GRID1: variants seen among roughly 807,000 people sequenced by gnomAD.
GRID1 encodes glutamate ionotropic receptor delta type subunit 1.
In GRID1, 28 loss-of-function variants were observed where a neutral mutation model predicts 98.0. That is an observed-to-expected ratio of 0.29 (90% CI 0.21 to 0.39). GRID1 has a LOEUF of 0.39. Ranked by LOEUF, GRID1 falls within the 10% of genes least tolerant of loss-of-function variation. The pLI is 1.00. For missense variants in GRID1, 1,111 were observed against 1,340.5 expected (o/e 0.83, Z 2.67); for synonymous variants, 553 against 538.5 (o/e 1.03, Z -0.37).
At chr10:86,113,562 C>G (rs1305047272) in intron 4 of GRID1, among the ~76,000 whole-genome samples, 1 of 152,210 alleles carries the variant, frequency 6.6e-6, no homozygotes, top group Non-Finnish European at 1.5e-5. Context: ...CTCTTCACCA[C>G]ATGATATTAT....
intron 2 of GRID1, among the ~76,000 whole-genome samples, chr10:86,243,852 T>C (rs2814342): frequency 0.89 from 136,113 of 152,234 alleles, 61,406 homozygotes; most frequent in African/African-American, 0.92. Context: ...CGAGCAGGGG[T>C]CAAGCCGATC....
intron 4 of GRID1, among the ~76,000 whole-genome samples, chr10:86,013,784 A>G (rs961783576): frequency 6.6e-6 from 1 of 152,248 alleles, no homozygotes; most frequent in South Asian, 2.1e-4. Context: ...CATAGAGGGC[A>G]TAAGTTAGCA....
chr10:86,286,517 C>T (rs1480505444), intron 2 of GRID1, among the ~76,000 whole-genome samples: 1 of 152,202 alleles, frequency 6.6e-6, no homozygotes, highest in Non-Finnish European at 1.5e-5. Context: ...CGAGTGAGGC[C>T]ACGAGAAGCC....
chr10:85,669,954 A>G (rs913729466), intron 12 of GRID1, among the ~76,000 whole-genome samples: 1 of 152,192 alleles, frequency 6.6e-6, no homozygotes, highest in African/African-American at 2.4e-5. Flanking sequence ...TACAGTGAGG[A>G]ACACTGACAC....
chr10:85,928,566 C>T (rs1180143896), intron 4 of GRID1, among the ~76,000 whole-genome samples: 3 of 152,220 alleles, frequency 2.0e-5, no homozygotes, highest in African/African-American at 7.2e-5. Context: ...AGGAAGCTCC[C>T]TTTCCCCCTT....
intron 2 of GRID1, among the ~76,000 whole-genome samples, chr10:86,254,801 G>A (rs967629978): frequency 4.6e-5 from 7 of 152,254 alleles, no homozygotes; most frequent in African/African-American, 1.4e-4. Context: ...ATGCCTAGGA[G>A]ACAAGAGTTC....
chr10:85,864,069 A>G (rs969938547), intron 6 of GRID1, among the ~76,000 whole-genome samples: 6 of 152,210 alleles, frequency 3.9e-5, no homozygotes, highest in Non-Finnish European at 8.8e-5. Context: ...TCATTAATCA[A>G]GCAAAGTGGA....
chr10:86,254,580 AG>A (rs35962752), intron 2 of GRID1, among the ~76,000 whole-genome samples: 19,349 of 152,252 alleles, frequency 0.13, 1,568 homozygotes, highest in African/African-American at 0.23. Context: ...CTCACGTTGC[AG>A]CCCCATAGTG....
At chr10:86,128,323 T>C (rs1844783760) in intron 4 of GRID1, among the ~76,000 whole-genome samples, 2 of 152,170 alleles carry the variant, frequency 1.3e-5, no homozygotes, top group Admixed American at 1.3e-4. Context: ...TGTGCCCATG[T>C]ACCCAGGGCT....
At chr10:86,055,190 G>A (rs1175129922) in intron 4 of GRID1, among the ~76,000 whole-genome samples, 3 of 152,174 alleles carry the variant, frequency 2.0e-5, no homozygotes, top group Non-Finnish European at 4.4e-5. Flanking sequence ...GAAATAAAAC[G>A]TGGTTGTTGC....
At chr10:85,611,760 G>A (rs556559043) in intron 15 of GRID1, among the ~76,000 whole-genome samples, 161 of 152,326 alleles carry the variant, frequency 1.1e-3, no homozygotes, top group Middle Eastern at 3.4e-3. Context: ...TGGAGGGGCT[G>A]ACATGATGAG....
intron 12 of GRID1, among the ~76,000 whole-genome samples, chr10:85,700,333 T>C (rs1326653159): frequency 6.6e-6 from 1 of 152,206 alleles, no homozygotes; most frequent in Non-Finnish European, 1.5e-5. Flanking sequence ...GAGAAAGGAT[T>C]TGAAACCAGT....
intron 12 of GRID1, among the ~76,000 whole-genome samples, chr10:85,712,817 A>G (rs986806096): frequency 6.6e-6 from 1 of 151,784 alleles, no homozygotes; most frequent in Non-Finnish European, 1.5e-5. Context: ...CCCTGAAACA[A>G]CAAGTAGATC....
In GRID1 at chr10:85,601,968, G is replaced by C. The variant is rs187037099; in HGVS notation, c.*305C>G. The stretch of plus-strand genomic sequence containing the variant: ...CCTCAGAAAGGCCCAGGAATGGGGG[G>C]GCTCCTTTGGCACTTCAGAATGATC... On this transcript the variant is annotated 3_prime_UTR_variant, in exon 16 of 16. Transcript: ENST00000327946. The C allele has an allele frequency of 3.5e-6, 1 of 286,380 alleles. No homozygotes were observed. Among genetic ancestry groups the C allele is most frequent in the Admixed American group, 4.7e-5 (1 of 21,318 alleles). 17.7% of individuals were successfully genotyped at this position (286,380 alleles called of 1,614,324 possible). A position where few individuals can be genotyped will look rare whatever the true frequency, so the allele number is the denominator to read the frequency against.
At chr10:85,901,221 A>C (rs1841379963) in intron 5 of GRID1, among the ~76,000 whole-genome samples, 1 of 146,426 alleles carries the variant, frequency 6.8e-6, no homozygotes, top group Non-Finnish European at 1.5e-5. Context: ...CATTTATTTT[A>C]TTTTATTTTA....
rs185529112 is a variant in GRID1 at position 85,706,967 on chromosome 10, T to A, written c.1997+16036A>T. On this transcript the variant is annotated intron_variant, in intron 12 of 15. Coordinates refer to ENST00000327946, the MANE Select transcript of GRID1 (RefSeq NM_017551.3). Reference sequence around the variant, plus strand: ...ACCTTATACTAAAATTAATTCAAGATGGATTAAAGACTTAAATGTTAGACC... The same window carrying A: ...ACCTTATACTAAAATTAATTCAAGAAGGATTAAAGACTTAAATGTTAGACC... Among the ~76,000 whole-genome samples, 179 of 152,286 alleles carry A rather than the reference T, an allele frequency of 1.2e-3. 1 individual carries two copies. The highest frequency in any genetic ancestry group is 4.2e-3 in the African/African-American group (174 of 41,546).
chr10:85,813,093 A>T (rs1054713677), intron 8 of GRID1, among the ~76,000 whole-genome samples: 12 of 151,888 alleles, frequency 7.9e-5, no homozygotes, highest in African/African-American at 2.9e-4. Context: ...AGCCTCTAGG[A>T]CTCTACATTA....
chr10:86,304,815 G>T (rs191077219), intron 2 of GRID1, among the ~76,000 whole-genome samples: 1 of 152,322 alleles, frequency 6.6e-6, no homozygotes, highest in East Asian at 1.9e-4. Context: ...AAACTTCAAA[G>T]CCACACGCTT....
rs555428499 is a variant in GRID1, at chr10:85,877,783, C to T, written c.781-8603G>A. On this transcript the variant is annotated intron_variant, in intron 5 of 15. Transcript: ENST00000327946. ...AAAGCTGAACGGAGAATGACCTTGACGAGTTGAGAGAAGAAGGCTTCAGAC... is the reference window on the plus strand; with the variant it reads ...AAAGCTGAACGGAGAATGACCTTGATGAGTTGAGAGAAGAAGGCTTCAGAC... Among the ~76,000 whole-genome samples the T allele has an allele frequency of 1.3e-4, 20 of 152,276 alleles. No homozygotes were observed. The South Asian group carries it at 3.1e-3, about 24-fold the overall frequency.
Sources: gnomAD v4.1 joint callset for allele counts (sites outside exome capture counted in the v4.1 genomes callset) on GRCh38, gnomAD v4.1.1 for gene constraint, MANE v1.5 for transcripts, NCBI Gene and HGNC (gene_info 2026-07-23, HGNC 2026-07-21) for gene names.